Variants in SLC39A10 observed in about 807,000 individuals in gnomAD.
SLC39A10 encodes zinc transporter ZIP10.
In SLC39A10, 13 loss-of-function variants were observed where a neutral mutation model predicts 65.1. The ratio of observed to expected loss-of-function variants is 0.20; its 90% CI spans 0.13 to 0.32. The LOEUF is 0.32. Among genes scored for constraint, SLC39A10 ranks in the 10% least tolerant of loss-of-function variants. The probability of loss-of-function intolerance (pLI) is 1.00; values close to 1 mark genes in which losing one functional copy is unlikely to be tolerated. For missense variants in SLC39A10, 831 were observed against 1,018.4 expected (o/e 0.82, Z 2.50); for synonymous variants, 321 against 342.2 (o/e 0.94, Z 0.68).
chr2:195,714,201 G>GTAA (rs1160151942), intron 6 of SLC39A10, among the ~76,000 whole-genome samples: 2 of 152,122 alleles, frequency 1.3e-5, no homozygotes, highest in Non-Finnish European at 2.9e-5. Context: ...AAAGTGCTGG[G>GTAA]ATTACAGGAG....
intron 2 of SLC39A10, among the ~76,000 whole-genome samples, chr2:195,651,483 CT>C (rs368495304): frequency 0.017 from 2,611 of 150,986 alleles, 75 homozygotes; most frequent in African/African-American, 0.06. Context: ...TCCCAAATCT[CT>C]TTTTTTTTGA....
intron 3 of SLC39A10, among the ~76,000 whole-genome samples, chr2:195,698,083 T>C: frequency 6.6e-6 from 1 of 152,108 alleles, no homozygotes; most frequent in East Asian, 1.9e-4. Flanking sequence ...TTTTGCTGAA[T>C]TCATTCTAAT....
chr2:195,615,031 G>A lies in SLC39A10; in HGVS notation c.-12+8798G>A, dbSNP rs79378116. The stretch of plus-strand genomic sequence containing the variant: ...GTGACCATGTCAGTATACTCAGCCC[G>A]GGGAACAGTGAGACCTTGTCTCAAA... On this transcript the variant is annotated intron_variant, in intron 2 of 2. Transcript: ENST00000458054. Among the ~76,000 whole-genome samples, 1,474 of 152,194 alleles carry A rather than the reference G, an allele frequency of 9.7e-3. 26 individuals carry two copies. The highest frequency in any genetic ancestry group is 0.033 in the African/African-American group (1,360 of 41,518).
chr2:195,618,168 T>C (rs1688267030), intron 2 of SLC39A10, among the ~76,000 whole-genome samples: 1 of 151,870 alleles, frequency 6.6e-6, no homozygotes, highest in Admixed American at 6.5e-5. Context: ...CTGGCCAACA[T>C]GGTGAAACCG....
chr2:195,619,086 C>G (rs1301050546), intron 2 of SLC39A10, among the ~76,000 whole-genome samples: 4 of 94,826 alleles, frequency 4.2e-5, no homozygotes, highest in Non-Finnish European at 7.7e-5. Context: ...GAGCAAGACT[C>G]TGTCTCAAAA....
chr2:195,665,013 A>G (rs998188932), intron 1 of SLC39A10, among the ~76,000 whole-genome samples: 4 of 152,058 alleles, frequency 2.6e-5, no homozygotes, highest in Non-Finnish European at 5.9e-5. Context: ...GGAAACCACC[A>G]TCTCGACAAA....
intron 3 of SLC39A10, among the ~76,000 whole-genome samples, chr2:195,705,369 T>C (rs1559042421): frequency 6.6e-6 from 1 of 152,230 alleles, no homozygotes; most frequent in Non-Finnish European, 1.5e-5. Flanking sequence ...CTATTAGTGA[T>C]AGATTATCTA....
chr2:195,688,351 TTATG>T lies in SLC39A10; in HGVS notation c.1216+4448_1216+4451del, dbSNP rs552692882. On this transcript the variant is annotated intron_variant, in intron 3 of 9. Transcript: ENST00000359634. ...TACGTGTAGGAAATTAGGATAGAGT[TTATG>T]TAAGCTTAAATTTAAATGTTATAAA... is the stretch of plus-strand genomic sequence containing the variant. Among the ~76,000 whole-genome samples the T allele has an allele frequency of 5.4e-3, 820 of 152,272 alleles. 5 individuals carry two copies. Among genetic ancestry groups the T allele is most frequent in the Middle Eastern group, 0.017 (5 of 294 alleles).
intron 2 of SLC39A10, among the ~76,000 whole-genome samples, chr2:195,619,290 A>G (rs1035230929): frequency 1.3e-5 from 2 of 152,188 alleles, no homozygotes; most frequent in African/African-American, 4.8e-5. Flanking sequence ...TAAACTCAGC[A>G]GGACTTGGAA....
chr2:195,664,272 G>A (rs973045088), intron 1 of SLC39A10, among the ~76,000 whole-genome samples: 1 of 152,060 alleles, frequency 6.6e-6, no homozygotes. Flanking sequence ...AGTGTTGGAT[G>A]TTAGTGCAAC....
chr2:195,710,030 T>C (rs959185336), intron 5 of SLC39A10, among the ~76,000 whole-genome samples: 2 of 152,210 alleles, frequency 1.3e-5, no homozygotes, highest in South Asian at 4.1e-4. Flanking sequence ...ATGGTGACTC[T>C]TTTCAAGAAT....
chr2:195,681,876 A>G (rs1327607085), intron 2 of SLC39A10, among the ~76,000 whole-genome samples: 2 of 152,180 alleles, frequency 1.3e-5, no homozygotes, highest in East Asian at 3.9e-4. Flanking sequence ...GTTCCAAGTC[A>G]TTGGTGTAGC....
intron 2 of SLC39A10, among the ~76,000 whole-genome samples, chr2:195,616,602 G>T (rs933851580): frequency 1.3e-5 from 2 of 151,374 alleles, no homozygotes; most frequent in East Asian, 3.9e-4. Context: ...ACCGCGCCTG[G>T]CCTGGATTTA....
At chr2:195,716,555 C>G (rs1288393648) in intron 6 of SLC39A10, 82 bp from the exon 7 acceptor site, 3 of 1,101,910 alleles carry the variant, frequency 2.7e-6, no homozygotes, top group Non-Finnish European at 2.5e-6. Flanking sequence ...AAGAAATGTT[C>G]ATTGCACTGC....
At chr2:195,731,608 G>A (rs933926231) in intron 9 of SLC39A10, among the ~76,000 whole-genome samples, 1 of 152,184 alleles carries the variant, frequency 6.6e-6, no homozygotes, top group Non-Finnish European at 1.5e-5. Flanking sequence ...CAAGAAGAAT[G>A]AGTCTTTACA....
chr2:195,626,712 G>A (rs1050293592), intron 2 of SLC39A10, among the ~76,000 whole-genome samples: 5 of 152,118 alleles, frequency 3.3e-5, no homozygotes, highest in Non-Finnish European at 5.9e-5. Flanking sequence ...TACTGCAGAG[G>A]GTAGGCTATA....
chr2:195,730,333 G>GTTTA (rs769657956), intron 9 of SLC39A10, among the ~76,000 whole-genome samples: 151 of 151,970 alleles, frequency 9.9e-4, no homozygotes, highest in Middle Eastern at 3.4e-3. Context: ...CTGTTTGTTT[G>GTTTA]TTTATTTGTT....
chr2:195,616,819 G>A (rs1014137713), intron 2 of SLC39A10, among the ~76,000 whole-genome samples: 20 of 152,056 alleles, frequency 1.3e-4, no homozygotes, highest in Non-Finnish European at 2.9e-5. Flanking sequence ...TAGCCAGGAT[G>A]GTCTCAATCT....
At chr2:195,621,436 AG>A (rs1688346288) in intron 2 of SLC39A10, among the ~76,000 whole-genome samples, 1 of 152,250 alleles carries the variant, frequency 6.6e-6, no homozygotes, top group Non-Finnish European at 1.5e-5. Context: ...ACTTCTTTGA[AG>A]GAAGTGTTTG....
Sources: allele counts gnomAD v4.1 joint callset (sites outside exome capture counted in the v4.1 genomes callset), GRCh38; gene constraint gnomAD v4.1.1; transcripts MANE v1.5; gene names NCBI Gene and HGNC (gene_info 2026-07-23, HGNC 2026-07-21).